The following DAB2IP variants were observed in gnomAD, a reference collection of about 807,000 sequenced individuals.
DAB2IP encodes the protein disabled homolog 2-interacting protein.
DAB2IP carries 28 observed loss-of-function variants against 107.2 expected under a neutral mutation model. That is an observed-to-expected ratio of 0.26 (90% CI 0.19 to 0.36). The LOEUF (loss-of-function observed/expected upper bound fraction) is 0.36. Among genes scored for constraint, DAB2IP ranks in the 10% least tolerant of loss-of-function variants. DAB2IP has a pLI of 1.00. For missense variants in DAB2IP, 1,400 were observed against 1,644.7 expected, an observed-to-expected ratio of 0.85 and a Z score of 2.57; for synonymous variants, 755 against 706.4, an observed-to-expected ratio of 1.07 and a Z score of -1.09.
chr9:121,685,086 G>A (rs1417659270), intron 2 of DAB2IP, among the ~76,000 whole-genome samples: 3 of 152,172 alleles, frequency 2.0e-5, no homozygotes, highest in African/African-American at 2.4e-5. Flanking sequence ...CCCAGCATCC[G>A]GCGTGTATTC....
At chr9:121,636,763 G>A (rs1347024574) in intron 1 of DAB2IP, among the ~76,000 whole-genome samples, 1 of 152,214 alleles carries the variant, frequency 6.6e-6, no homozygotes, top group African/African-American at 2.4e-5. Context: ...TTTACACCAC[G>A]TCTTGATTCC....
chr9:121,743,621 G>A (rs912975477), intron 3 of DAB2IP, among the ~76,000 whole-genome samples: 1 of 152,206 alleles, frequency 6.6e-6, no homozygotes, highest in Non-Finnish European at 1.5e-5. Context: ...TCAGGGCGGG[G>A]CTAGGCTGGC....
In DAB2IP at chr9:121,700,162, C is replaced by T. The variant is rs1360200865; in HGVS notation, c.362+704C>T. Among the ~76,000 whole-genome samples, 3 of 152,346 alleles carry T rather than the reference C, an allele frequency of 2.0e-5. No individual in the cohort carries two copies. In the South Asian group the frequency reaches 6.2e-4, roughly 32 times the overall value. ...AGGGGTGTCTCCTGCTTTCTGTTTCCTTCTCCTGGGCCAGCCGGGAGCAGG... is the reference window on the plus strand; with the variant it reads ...AGGGGTGTCTCCTGCTTTCTGTTTCTTTCTCCTGGGCCAGCCGGGAGCAGG... On this transcript the variant is annotated intron_variant, in intron 3 of 15. Transcript: ENST00000408936.
intron 1 of DAB2IP, among the ~76,000 whole-genome samples, chr9:121,601,239 G>A (rs756648683): frequency 3.3e-5 from 5 of 152,314 alleles, no homozygotes; most frequent in South Asian, 2.1e-4. Flanking sequence ...GCATGATGGG[G>A]AAAAGGGCTG....
intron 5 of DAB2IP, 77 bp from the exon 6 acceptor site, chr9:121,759,808 T>G: frequency 7.4e-7 from 1 of 1,351,678 alleles, no homozygotes; most frequent in Non-Finnish European, 1.0e-6. Flanking sequence ...GTCTGAGGAC[T>G]CTCTCAGGCT....
intron 1 of DAB2IP, among the ~76,000 whole-genome samples, chr9:121,570,566 T>C (rs1225498827): frequency 6.6e-6 from 1 of 152,044 alleles, no homozygotes; most frequent in African/African-American, 2.4e-5. Flanking sequence ...CCTTTTTTAT[T>C]GAGACAGGGT....
At chr9:121,673,909 A>ATG (rs1335251757) in intron 1 of DAB2IP, among the ~76,000 whole-genome samples, 2 of 152,216 alleles carry the variant, frequency 1.3e-5, no homozygotes, top group African/African-American at 4.8e-5. Context: ...ACTCCCAGGC[A>ATG]GTTGAGCTCC....
At chr9:121,629,849 T>C (rs781145997) in intron 1 of DAB2IP, among the ~76,000 whole-genome samples, 56 of 152,018 alleles carry the variant, frequency 3.7e-4, no homozygotes, top group Admixed American at 7.2e-4. Context: ...CTGAGACAAA[T>C]CCTCCTCTTT....
At position 121,662,013 on chromosome 9, in the gene DAB2IP, GATTACAAAAAGCAGTAA is replaced by G. The variant is rs1375318694; in HGVS notation, c.124+10117_124+10133del. On this transcript the variant is annotated intron_variant, in intron 1 of 15. Transcript: ENST00000408936. The surrounding 1 kb of genome is among the most constrained non-coding windows in gnomAD (Gnocchi z 4.6). ...AAAAACAAAAAAACCCAACTCCTAA[GATTACAAAAAGCAGTAA>G]ATATCTATTACAGAACAGAAGAAAA... Among the ~76,000 whole-genome samples, 1 of 151,382 alleles carries G rather than the reference GATTACAAAAAGCAGTAA, an allele frequency of 6.6e-6. No individual in the cohort carries two copies. The highest frequency in any genetic ancestry group is 1.9e-4 in the East Asian group (1 of 5,156).
In DAB2IP at chr9:121,701,218, T is replaced by C. The variant is rs2118739540; in HGVS notation, c.362+1760T>C. Among the ~76,000 whole-genome samples, 1 of 152,306 alleles carries C rather than the reference T, an allele frequency of 6.6e-6. No individual in the cohort carries two copies. The highest frequency in any genetic ancestry group is 1.9e-4 in the East Asian group (1 of 5,166). Reference sequence around the variant, plus strand: ...TCTGCTCTCCCGGGAGCAGGCGGCATGCATGTCATGTTTACCTCCTTACAG... The same window carrying C: ...TCTGCTCTCCCGGGAGCAGGCGGCACGCATGTCATGTTTACCTCCTTACAG... On this transcript the variant is annotated intron_variant, in intron 3 of 15. Coordinates refer to ENST00000408936, the Ensembl canonical transcript of DAB2IP. This position sits in a 1 kb window ranked among gnomAD's most constrained non-coding sequence, Gnocchi z 4.7.
chr9:121,651,727 G>GC lies in DAB2IP; in HGVS notation c.-46dup. 1 of 1,211,352 alleles carries GC rather than the reference G, an allele frequency of 8.3e-7. No homozygotes were observed. The highest frequency in any genetic ancestry group is 1.0e-6 in the Non-Finnish European group (1 of 973,030). The allele number at this position is 1,211,352 out of a possible 1,614,324, so 75.0% of individuals were successfully genotyped here. On this transcript the variant is annotated 5_prime_UTR_variant, in exon 1 of 16. It removes the in-frame stop codon of an upstream open reading frame in the 5' UTR. Transcript: ENST00000408936. The surrounding 1 kb of genome is among the most constrained non-coding windows in gnomAD (Gnocchi z 5.1). ...CGGGCTGTCCGGAGCGGCCGATGGGGCCCGTGTGAGCGCGCCCAGGCCCGG... is the reference window on the plus strand; with the variant it reads ...CGGGCTGTCCGGAGCGGCCGATGGGGCCCCGTGTGAGCGCGCCCAGGCCCGG...
At chr9:121,718,324 C>T (rs1830721080) in intron 3 of DAB2IP, among the ~76,000 whole-genome samples, 1 of 152,178 alleles carries the variant, frequency 6.6e-6, no homozygotes, top group South Asian at 2.1e-4. Flanking sequence ...GAGGCGTGGG[C>T]GGGGGTCCTC....
intron 3 of DAB2IP, among the ~76,000 whole-genome samples, chr9:121,710,791 C>T (rs569118934): frequency 3.3e-5 from 5 of 152,262 alleles, no homozygotes; most frequent in Admixed American, 6.5e-5. Flanking sequence ...GTGAAGCTGG[C>T]GCTGAAATCC....
chr9:121,777,839 T>C (rs1207465203), intron 14 of DAB2IP, among the ~76,000 whole-genome samples: 1 of 152,268 alleles, frequency 6.6e-6, no homozygotes, highest in African/African-American at 2.4e-5. Context: ...TTATGTACTA[T>C]TGTTGAATTA....
intron 3 of DAB2IP, 46 bp from the exon 4 acceptor site, chr9:121,756,967 G>T: frequency 1.2e-6 from 2 of 1,612,260 alleles, no homozygotes; most frequent in South Asian, 2.2e-5. Context: ...CAACCAGCTT[G>T]ACCCGGGCTG....
At chr9:121,614,737 CTT>C (rs33981373) in intron 1 of DAB2IP, among the ~76,000 whole-genome samples, 227 of 129,244 alleles carry the variant, frequency 1.8e-3, no homozygotes, top group Middle Eastern at 3.8e-3. Flanking sequence ...TTCTTTCTTT[CTT>C]TTTTTTTTTT....
At chr9:121,568,946 C>T (rs959495420) in intron 1 of DAB2IP, among the ~76,000 whole-genome samples, 1 of 152,190 alleles carries the variant, frequency 6.6e-6, no homozygotes, top group Non-Finnish European at 1.5e-5. Context: ...GTCACGAGGC[C>T]GGTTGCTGAT....
At chr9:121,583,149 G>A (rs187450704) in intron 1 of DAB2IP, among the ~76,000 whole-genome samples, 55 of 152,356 alleles carry the variant, frequency 3.6e-4, no homozygotes, top group African/African-American at 1.3e-3. Flanking sequence ...CACTTTGGGA[G>A]GCCAAGGTGG....
chr9:121,717,078 C>G (rs1398755201), intron 3 of DAB2IP, among the ~76,000 whole-genome samples: 4 of 152,220 alleles, frequency 2.6e-5, no homozygotes. Context: ...TCTTGTGAGC[C>G]TGGGGCAGCC....
Sources: allele counts gnomAD v4.1 joint callset (sites outside exome capture counted in the v4.1 genomes callset), GRCh38; gene constraint gnomAD v4.1.1; non-coding constraint Gnocchi (gnomAD v3.1); transcripts MANE v1.5; gene names NCBI Gene and HGNC (gene_info 2026-07-23, HGNC 2026-07-21).